ULK4: variants seen among roughly 807,000 people sequenced by gnomAD.
ULK4 encodes unc-51 like kinase 4.
In ULK4, 133 loss-of-function variants were observed where a neutral mutation model predicts 160.6. The observed-to-expected ratio is 0.83, with a 90% confidence interval of 0.72 to 0.96. ULK4 has a LOEUF of 0.96. Ranked by LOEUF, ULK4 falls within the 40% of genes least tolerant of loss-of-function variation. The pLI, the probability that ULK4 is intolerant of heterozygous loss-of-function variation, is 0.00. For missense variants in ULK4, 1,580 were observed against 1,499.5 expected, an observed-to-expected ratio of 1.05 and a Z score of -0.89; for synonymous variants, 534 against 539.8, an observed-to-expected ratio of 0.99 and a Z score of 0.15.
intron 17 of ULK4, among the ~76,000 whole-genome samples, chr3:41,862,801 T>TC (rs1362761855): frequency 1.5e-5 from 2 of 134,404 alleles, no homozygotes; most frequent in African/African-American, 5.3e-5. Context: ...CCCCCCCCCT[T>TC]TCTCTCTCTC....
Position 41,923,211 on chromosome 3 carries a change from G to C in ULK4, c.542-3393C>G, listed in dbSNP as rs573573267. On this transcript the variant is annotated intron_variant, in intron 5 of 36. Transcript: ENST00000301831. Reference sequence around the variant, plus strand: ...AATAATAAAAAAAATAAGAATCCCTGAACCAGGCTGGGCACAGTGGCTCAT... The same window carrying C: ...AATAATAAAAAAAATAAGAATCCCTCAACCAGGCTGGGCACAGTGGCTCAT... 4.0e-5 allele frequency among the ~76,000 whole-genome samples: 6 copies of C among 151,860 alleles called. No homozygotes were observed. The South Asian group carries it at 1.0e-3, about 26-fold the overall frequency.
At chr3:41,689,898 C>G (rs1210116272) in intron 27 of ULK4, among the ~76,000 whole-genome samples, 1 of 149,190 alleles carries the variant, frequency 6.7e-6, no homozygotes, top group African/African-American at 2.5e-5. Flanking sequence ...CCTCAGGGAT[C>G]TAGAACTAGA....
At position 41,873,870 on chromosome 3, in the gene ULK4, T is replaced by TG. The variant is rs201197237; in HGVS notation, c.1656+10003dup. Among the ~76,000 whole-genome samples the TG allele has an allele frequency of 4.3e-4, 61 of 142,838 alleles. No homozygotes were observed. In the East Asian group the frequency reaches 8.4e-3, roughly 20 times the overall value. The allele number at this position is 142,838 out of a possible 152,430, so 93.7% of individuals were successfully genotyped here. ...CACCCGCCCTCTAGGTTTGTTTTTGTGGTTTTTTTTGTTTTTTTTTTTTGA... is the reference window on the plus strand; with the variant it reads ...CACCCGCCCTCTAGGTTTGTTTTTGTGGGTTTTTTTTGTTTTTTTTTTTTGA... On this transcript the variant is annotated intron_variant, in intron 17 of 36. Transcript: ENST00000301831.
At chr3:41,421,679 A>T (rs984147032) in intron 34 of ULK4, among the ~76,000 whole-genome samples, 18 of 151,698 alleles carry the variant, frequency 1.2e-4, no homozygotes, top group Admixed American at 7.9e-4. Flanking sequence ...TGGGGAGGGG[A>T]TTTTCTTGCC....
intron 21 of ULK4, among the ~76,000 whole-genome samples, chr3:41,777,784 G>A (rs1216706735): frequency 2.2e-5 from 3 of 138,676 alleles, no homozygotes; most frequent in African/African-American, 8.3e-5. Flanking sequence ...TGTGGTCTGA[G>A]AGATAGTTTG....
At chr3:41,730,066 A>C (rs1002793721) in intron 22 of ULK4, among the ~76,000 whole-genome samples, 2 of 152,210 alleles carry the variant, frequency 1.3e-5, no homozygotes, top group African/African-American at 2.4e-5. Context: ...GTCAAGGAAA[A>C]ATTTTTTTAA....
At chr3:41,844,715 C>T (rs374161700) in intron 17 of ULK4, among the ~76,000 whole-genome samples, 7 of 151,268 alleles carry the variant, frequency 4.6e-5, no homozygotes, top group East Asian at 3.9e-4. Flanking sequence ...GCTGCCAGCA[C>T]GCTGTCACCT....
At chr3:41,701,724 GAAACA>G in intron 27 of ULK4, among the ~76,000 whole-genome samples, 1 of 152,254 alleles carries the variant, frequency 6.6e-6, no homozygotes, top group Middle Eastern at 3.4e-3. Context: ...TTAAAAGAGA[GAAACA>G]AAACAAGATA....
At chr3:41,413,682 C>A (rs957403469) in intron 34 of ULK4, among the ~76,000 whole-genome samples, 3 of 152,076 alleles carry the variant, frequency 2.0e-5, no homozygotes, top group Non-Finnish European at 2.9e-5. Context: ...CAATGTACAT[C>A]TTATAAATAA....
intron 32 of ULK4, among the ~76,000 whole-genome samples, chr3:41,497,610 C>A (rs921960463): frequency 1.3e-5 from 2 of 152,092 alleles, no homozygotes; most frequent in African/African-American, 4.8e-5. Context: ...AGTCAATTTT[C>A]TGAAAACCAA....
chr3:41,900,151 A>G (rs1351725228), intron 13 of ULK4, among the ~76,000 whole-genome samples: 2 of 152,144 alleles, frequency 1.3e-5, no homozygotes, highest in African/African-American at 4.8e-5. Context: ...TATATTCCAA[A>G]AGACAAGAAG....
chr3:41,555,263 T>C (rs1380289923), intron 32 of ULK4, among the ~76,000 whole-genome samples: 2 of 151,360 alleles, frequency 1.3e-5, no homozygotes. Context: ...TTTTGCAAAC[T>C]ATGCATCTGA....
At position 41,247,005 on chromosome 3, in the gene ULK4, C is replaced by T. The variant is rs1179048587; in HGVS notation, c.3765-13G>A. The T allele has an allele frequency of 6.2e-7, 1 of 1,613,214 alleles. No homozygotes were observed. Among genetic ancestry groups the T allele is most frequent in the Non-Finnish European group, 8.5e-7 (1 of 1,179,662 alleles). On this transcript the variant is annotated splice_polypyrimidine_tract_variant and intron_variant, in intron 36 of 36. Transcript: ENST00000301831. ...GTCGGCAAATGAACTGTAAGAAAAA[C>T]CAAAGTAGGTACACTTAATAGGCAT...
intron 35 of ULK4, among the ~76,000 whole-genome samples, chr3:41,323,634 C>T (rs2080287856): frequency 6.6e-6 from 1 of 151,998 alleles, no homozygotes; most frequent in Non-Finnish European, 1.5e-5. Flanking sequence ...TCCAGGAAAC[C>T]CACACCCATG....
At chr3:41,289,544 A>C (rs1441044600) in intron 35 of ULK4, among the ~76,000 whole-genome samples, 3 of 152,206 alleles carry the variant, frequency 2.0e-5, no homozygotes, top group Non-Finnish European at 4.4e-5. Flanking sequence ...GATGTTGACA[A>C]ATGGCCAAGA....
chr3:41,477,447 C>T (rs549056958), intron 32 of ULK4, among the ~76,000 whole-genome samples: 17 of 152,260 alleles, frequency 1.1e-4, no homozygotes, highest in Middle Eastern at 3.4e-3. Context: ...TGCATAGAGG[C>T]TTTCTTCTGG....
intron 18 of ULK4, among the ~76,000 whole-genome samples, chr3:41,827,105 A>C (rs1164673762): frequency 2.0e-5 from 3 of 148,290 alleles, no homozygotes; most frequent in Non-Finnish European, 3.0e-5. Flanking sequence ...TGTTCTTTGA[A>C]ACCAACGAGA....
At chr3:41,441,497 T>A (rs2083168147) in intron 34 of ULK4, among the ~76,000 whole-genome samples, 1 of 152,060 alleles carries the variant, frequency 6.6e-6, no homozygotes. Flanking sequence ...TTCTACATAT[T>A]TATCAATTTA....
chr3:41,578,018 A>G (rs2088256692), intron 31 of ULK4, among the ~76,000 whole-genome samples: 1 of 152,218 alleles, frequency 6.6e-6, no homozygotes, highest in African/African-American at 2.4e-5. Flanking sequence ...CAAGTGATGA[A>G]TAGGCTATTC....
Sources: allele counts gnomAD v4.1 joint callset (sites outside exome capture counted in the v4.1 genomes callset), GRCh38; gene constraint gnomAD v4.1.1; transcripts MANE v1.5; gene names NCBI Gene and HGNC (gene_info 2026-07-23, HGNC 2026-07-21).